Variants in FMNL2 observed in about 807,000 individuals in gnomAD.
FMNL2 encodes formin like 2.
A neutral mutation model predicts 130.2 loss-of-function variants in FMNL2; 51 were observed. The observed-to-expected ratio is 0.39, with a 90% confidence interval of 0.31 to 0.49. The LOEUF is 0.49. Ranked by LOEUF, FMNL2 falls within the 20% of genes least tolerant of loss-of-function variation. The probability of loss-of-function intolerance (pLI) is 0.85; values close to 1 mark genes in which losing one functional copy is unlikely to be tolerated. For missense variants in FMNL2, 977 were observed against 1,316.2 expected, an observed-to-expected ratio of 0.74 and a Z score of 3.99; for synonymous variants, 465 against 467.1, an observed-to-expected ratio of 1.00 and a Z score of 0.06.
intron 9 of FMNL2, among the ~76,000 whole-genome samples, chr2:152,605,411 TG>T (rs1698313442): frequency 6.6e-6 from 1 of 152,088 alleles, no homozygotes; most frequent in Non-Finnish European, 1.5e-5. Flanking sequence ...CTCGACCTCA[TG>T]GACTCAAAGT....
chr2:152,375,871 C>CTATATATATATATATATATA (rs1296121653), intron 1 of FMNL2, among the ~76,000 whole-genome samples: 6 of 114,586 alleles, frequency 5.2e-5, no homozygotes, highest in Non-Finnish European at 8.6e-5. Context: ...CTCTCTCTCT[C>CTATATATATATATATATATA]TCTCTCTATA....
At chr2:152,491,067 A>T (rs546926852) in intron 1 of FMNL2, among the ~76,000 whole-genome samples, 2 of 152,232 alleles carry the variant, frequency 1.3e-5, no homozygotes, top group African/African-American at 4.8e-5. Flanking sequence ...TGGTTGGGTG[A>T]TGCCTGTGCT....
chr2:152,409,721 C>G (rs999438337), intron 1 of FMNL2, among the ~76,000 whole-genome samples: 1 of 152,132 alleles, frequency 6.6e-6, no homozygotes, highest in Non-Finnish European at 1.5e-5. Context: ...GGCATTGATA[C>G]TTTATGGAGA....
At chr2:152,472,398 A>G (rs75053026) in intron 1 of FMNL2, among the ~76,000 whole-genome samples, 1 of 152,188 alleles carries the variant, frequency 6.6e-6, no homozygotes, top group East Asian at 1.9e-4. Context: ...GAAAAGCTTC[A>G]AAAAAGATTT....
At chr2:152,537,173 G>A (rs1000328181) in intron 2 of FMNL2, among the ~76,000 whole-genome samples, 16 of 152,222 alleles carry the variant, frequency 1.1e-4, no homozygotes, top group African/African-American at 3.9e-4. Context: ...TTGTAGCATA[G>A]CTGATGAATT....
chr2:152,342,224 C>T (rs1285263642), intron 1 of FMNL2, among the ~76,000 whole-genome samples: 4 of 152,176 alleles, frequency 2.6e-5, no homozygotes, highest in Non-Finnish European at 5.9e-5. Flanking sequence ...AAAGTGGGCT[C>T]TCCAGCCCTC....
rs77665503 is a variant in FMNL2 at position 152,455,489 on chromosome 2, G to A, written c.118-66454G>A. On this transcript the variant is annotated intron_variant, in intron 1 of 25. Transcript: ENST00000288670. ...TGAAATGGAAGCTGATGCTCTAAAG[G>A]AGCATTCAGGGTTTGGAGCAACATT... 7.2e-5 allele frequency among the ~76,000 whole-genome samples: 11 copies of A among 152,166 alleles called. No homozygotes were observed. In the East Asian group the frequency reaches 2.1e-3, roughly 29 times the overall value.
chr2:152,627,355 T>A (rs1681860639), intron 17 of FMNL2, among the ~76,000 whole-genome samples: 1 of 152,244 alleles, frequency 6.6e-6, no homozygotes, highest in African/African-American at 2.4e-5. Flanking sequence ...AGAAGAATCC[T>A]TCTATTCTTC....
At position 152,614,986 on chromosome 2, in the gene FMNL2, G is replaced by T. The variant is rs780198308; in HGVS notation, c.1198G>T (p.Glu400Ter). The T allele has an allele frequency of 6.2e-7, 1 of 1,610,608 alleles. No individual in the cohort carries two copies. Among genetic ancestry groups the T allele is most frequent in the African/African-American group, 1.3e-5 (1 of 74,686 alleles). ...AALERVEELE[E>*]NISHLSEKLQ... Reference sequence around the variant, plus strand: ...CTTGGAGAGGGTGGAAGAACTGGAAGAAAACATTTCTCATGTAACTATATC... The same window carrying T: ...CTTGGAGAGGGTGGAAGAACTGGAATAAAACATTTCTCATGTAACTATATC... The change falls in exon 12 of 26, where the codon GAA becomes TAA. Residue 400 changes from glutamate (E) to a stop codon, truncating the protein, a stop_gained. Coordinates refer to ENST00000288670, the MANE Select transcript of FMNL2 (RefSeq NM_052905.4). LOFTEE classifies it high-confidence loss of function.
At chr2:152,383,740 C>T (rs10184210) in intron 1 of FMNL2, among the ~76,000 whole-genome samples, 87,917 of 151,988 alleles carry the variant, frequency 0.58, 25,975 homozygotes, top group South Asian at 0.7. Flanking sequence ...ATTGAGGAAA[C>T]CCTAGCCATC....
chr2:152,465,131 A>G (rs1689457419), intron 1 of FMNL2, among the ~76,000 whole-genome samples: 1 of 152,256 alleles, frequency 6.6e-6, no homozygotes, highest in Non-Finnish European at 1.5e-5. Flanking sequence ...GTGAACTACC[A>G]GCAAAGTCGG....
intron 2 of FMNL2, among the ~76,000 whole-genome samples, chr2:152,531,032 G>A (rs1693659129): frequency 6.6e-6 from 1 of 152,002 alleles, no homozygotes; most frequent in African/African-American, 2.4e-5. Flanking sequence ...ATGAGTCCAA[G>A]GCTTGTAGCA....
chr2:152,538,166 G>A (rs899932543), intron 2 of FMNL2, among the ~76,000 whole-genome samples: 3 of 152,182 alleles, frequency 2.0e-5, no homozygotes, highest in Non-Finnish European at 4.4e-5. Flanking sequence ...TGGATTGCAC[G>A]TAGCTGCTAA....
intron 18 of FMNL2, among the ~76,000 whole-genome samples, chr2:152,629,302 G>T: frequency 6.6e-6 from 1 of 151,542 alleles, no homozygotes. Flanking sequence ...AATATTAATT[G>T]TATGACATGA....
In FMNL2 at chr2:152,558,715, A is replaced by ATT. The variant is rs70974869; in HGVS notation, c.360-11_360-10dup. The ATT allele has an allele frequency of 7.9e-3, 10,981 of 1,385,986 alleles. 1 individual carries two copies. The highest frequency in any genetic ancestry group is 0.014 in the South Asian group (1,123 of 78,928). 85.9% of individuals were successfully genotyped at this position (1,385,986 alleles called of 1,614,324 possible). A position where few individuals can be genotyped will look rare whatever the true frequency, so the allele number is the denominator to read the frequency against. On this transcript the variant is annotated intron_variant, in intron 4 of 25. Coordinates refer to ENST00000288670, the MANE Select transcript of FMNL2 (RefSeq NM_052905.4). ...GGTCATGTGATCAATTTCTCCAATGATTTTTTTTTTTTTTTCCCCAACAGA... is the reference window on the plus strand; with the variant it reads ...GGTCATGTGATCAATTTCTCCAATGATTTTTTTTTTTTTTTTTCCCCAACAGA...
chr2:152,429,856 G>A (rs1241070154), intron 1 of FMNL2, among the ~76,000 whole-genome samples: 1 of 152,176 alleles, frequency 6.6e-6, no homozygotes. Context: ...ATATGAAGGT[G>A]CTGGGATAAA....
intron 1 of FMNL2, among the ~76,000 whole-genome samples, chr2:152,370,151 G>T (rs1190767843): frequency 6.6e-6 from 1 of 152,154 alleles, no homozygotes; most frequent in Non-Finnish European, 1.5e-5. Flanking sequence ...AGATGAAGTG[G>T]CTTGAACAAC....
intron 1 of FMNL2, among the ~76,000 whole-genome samples, chr2:152,357,062 CATAA>C (rs1560293508): frequency 7.2e-6 from 1 of 139,076 alleles, no homozygotes; most frequent in Non-Finnish European, 1.6e-5. Context: ...ATAAATATTA[CATAA>C]GTTTAATATA....
At chr2:152,511,680 C>T (rs1036944301) in intron 1 of FMNL2, among the ~76,000 whole-genome samples, 3 of 152,032 alleles carry the variant, frequency 2.0e-5, no homozygotes, top group Non-Finnish European at 4.4e-5. Flanking sequence ...GTTCAGTAAT[C>T]GTTTCCAGAG....
Sources: gnomAD v4.1 joint callset for allele counts (sites outside exome capture counted in the v4.1 genomes callset) on GRCh38, gnomAD v4.1.1 for gene constraint, MANE v1.5 for transcripts, NCBI Gene and HGNC (gene_info 2026-07-23, HGNC 2026-07-21) for gene names.